GAB2: variants seen among roughly 807,000 people sequenced by gnomAD.
GAB2 encodes the protein GRB2-associated-binding protein 2.
In GAB2, 26 loss-of-function variants were observed where a neutral mutation model predicts 65.5. That is an observed-to-expected ratio of 0.40 (90% confidence interval 0.29 to 0.55). The LOEUF is 0.55. Ranked by LOEUF, GAB2 falls within the 20% of genes least tolerant of loss-of-function variation. The probability of loss-of-function intolerance (pLI) is 0.53; values close to 1 mark genes in which losing one functional copy is unlikely to be tolerated. For missense variants in GAB2, 884 were observed against 875.8 expected, an observed-to-expected ratio of 1.01 and a Z score of -0.12; for synonymous variants, 321 against 329.6, an observed-to-expected ratio of 0.97 and a Z score of 0.28.
chr11:78,222,923 G>A (rs965614723), intron 6 of GAB2, among the ~76,000 whole-genome samples: 2 of 152,196 alleles, frequency 1.3e-5, no homozygotes, highest in African/African-American at 4.8e-5. Flanking sequence ...GATGGTCACC[G>A]TGACTACTCC....
At chr11:78,225,028 G>A in intron 5 of GAB2, 80 bp downstream of exon 5, 1 of 846,580 alleles carries the variant, frequency 1.2e-6, no homozygotes. Context: ...ATCTTTTGGG[G>A]TTGTGCTTTT....
chr11:78,318,181 C>T (rs1401818133), intron 1 of GAB2: 1 of 151,466 alleles, frequency 6.6e-6, no homozygotes, highest in Non-Finnish European at 1.5e-5. Context: ...TTGAGGGAGA[C>T]TTCTTTTTGA....
chr11:78,382,978 G>A (rs998127051), intron 1 of GAB2, among the ~76,000 whole-genome samples: 1 of 152,168 alleles, frequency 6.6e-6, no homozygotes, highest in African/African-American at 2.4e-5. Flanking sequence ...TCTGACTTTA[G>A]AAACAGTCTT....
intron 1 of GAB2, among the ~76,000 whole-genome samples, chr11:78,303,207 T>A (rs561868873): frequency 5.8e-5 from 8 of 138,336 alleles, no homozygotes; most frequent in South Asian, 4.5e-4. Context: ...CAAAATTTTT[T>A]AAAAAATGGT....
intron 1 of GAB2, among the ~76,000 whole-genome samples, chr11:78,291,555 C>CTTTTTTTTT (rs796161663): frequency 0.022 from 1,198 of 55,042 alleles, 426 homozygotes; most frequent in Non-Finnish European, 0.023. Flanking sequence ...TTACTTTTTT[C>CTTTTTTTTT]TTTTTCTTTT....
Position 78,397,800 on chromosome 11 carries a change from G to A in GAB2, c.75+19846C>T, listed in dbSNP as rs566633920. ...TACTATGTACACTGTAGATACTTAT[G>A]TACACTGTAGATACTTACTATCTGT... On this transcript the variant is annotated intron_variant, in intron 1 of 9. Transcript: ENST00000361507. Among the ~76,000 whole-genome samples the A allele has an allele frequency of 2.2e-4, 33 of 151,756 alleles. No homozygotes were observed. The South Asian group carries it at 6.5e-3, about 30-fold the overall frequency.
chr11:78,263,477 CA>C (rs1272679269), intron 2 of GAB2, among the ~76,000 whole-genome samples: 2 of 151,802 alleles, frequency 1.3e-5, no homozygotes, highest in East Asian at 1.9e-4. Context: ...ACTAAAAATA[CA>C]AAAAATTAGC....
At chr11:78,231,858 T>C (rs1864860748) in intron 3 of GAB2, 1 of 152,268 alleles carries the variant, frequency 6.6e-6, no homozygotes, top group African/African-American at 2.4e-5. Context: ...TAATATAAAA[T>C]GCTTGTAAGT....
chr11:78,375,076 G>T (rs1208488361), intron 1 of GAB2, among the ~76,000 whole-genome samples: 1 of 152,136 alleles, frequency 6.6e-6, no homozygotes, highest in Non-Finnish European at 1.5e-5. Flanking sequence ...GCAGGGTCTT[G>T]CTCTGTCACC....
intron 1 of GAB2, among the ~76,000 whole-genome samples, chr11:78,300,330 T>C (rs1408106117): frequency 7.1e-6 from 1 of 141,764 alleles, no homozygotes; most frequent in African/African-American, 3.2e-5. Context: ...GGAGGTACCA[T>C]TATTTAGCCA....
At chr11:78,289,035 G>C (rs547875140) in intron 1 of GAB2, among the ~76,000 whole-genome samples, 2 of 152,324 alleles carry the variant, frequency 1.3e-5, no homozygotes, top group African/African-American at 2.4e-5. Context: ...CAATGGATTA[G>C]AACAGAAAAC....
Position 78,223,465 on chromosome 11 carries a change from C to T in GAB2, c.1514G>A (p.Gly505Glu), listed in dbSNP as rs754602778. The T allele has an allele frequency of 1.3e-6, 2 of 1,592,296 alleles. No individual in the cohort carries two copies. The highest frequency in any genetic ancestry group is 1.7e-5 in the Admixed American group (1 of 57,214). ...TLPVHRGPSR[G>E]SEIQPPPVNR... Reference sequence around the variant, plus strand: ...GACAGGGGGTGGCTGAATCTCACTTCCTCTGCTGGGGCCTCGGTGCACAGG... The same window carrying T: ...GACAGGGGGTGGCTGAATCTCACTTTCTCTGCTGGGGCCTCGGTGCACAGG... The change falls in exon 6 of 10, where the codon GGA becomes GAA. Residue 505 changes from glycine (G) to glutamate (E), a missense_variant. Transcript: ENST00000361507.
intron 1 of GAB2, among the ~76,000 whole-genome samples, chr11:78,376,575 C>T (rs2134733877): frequency 6.6e-6 from 1 of 152,256 alleles, no homozygotes; most frequent in East Asian, 1.9e-4. Context: ...ATATGTGAAA[C>T]TTGGAAATGT....
intron 1 of GAB2, among the ~76,000 whole-genome samples, chr11:78,329,940 A>G (rs373019596): frequency 2.0e-5 from 3 of 152,352 alleles, no homozygotes; most frequent in East Asian, 1.9e-4. Context: ...TTGCATTCAT[A>G]TAAGACTGGT....
chr11:78,355,288 T>C (rs999036939), intron 1 of GAB2, among the ~76,000 whole-genome samples: 1 of 152,208 alleles, frequency 6.6e-6, no homozygotes, highest in African/African-American at 2.4e-5. Flanking sequence ...AAAACGTCCC[T>C]GTGGGCAATT....
At chr11:78,353,758 T>C (rs779436803) in intron 1 of GAB2, among the ~76,000 whole-genome samples, 8 of 152,280 alleles carry the variant, frequency 5.3e-5, no homozygotes, top group Non-Finnish European at 8.8e-5. Flanking sequence ...CAGCTCTAGA[T>C]AACTTGGTTT....
chr11:78,368,705 G>GA lies in GAB2; in HGVS notation c.75+48940dup, dbSNP rs543620630. On this transcript the variant is annotated intron_variant, in intron 1 of 9. Transcript: ENST00000361507. ...GAACTACACAGCATGTTAACAAACT[G>GA]AAAAAAAAAAGACAAGACAGCAAAA... Among the ~76,000 whole-genome samples, 576 of 146,160 alleles carry GA rather than the reference G, an allele frequency of 3.9e-3. 2 individuals carry two copies. The highest frequency in any genetic ancestry group is 0.012 in the African/African-American group (467 of 40,048).
chr11:78,361,467 G>T lies in GAB2; in HGVS notation c.75+56179C>A, dbSNP rs1856434071. ...AAGCAAGGAAAAAAATGGTAACTTGGGTTAGAAGTCATAAATATTTCGCTA... is the reference window on the plus strand; with the variant it reads ...AAGCAAGGAAAAAAATGGTAACTTGTGTTAGAAGTCATAAATATTTCGCTA... On this transcript the variant is annotated intron_variant, in intron 1 of 9. Coordinates refer to ENST00000361507, the MANE Select transcript of GAB2 (RefSeq NM_080491.3). Among the ~76,000 whole-genome samples the T allele has an allele frequency of 2.0e-5, 3 of 149,960 alleles. No homozygotes were observed. In the South Asian group the frequency reaches 6.2e-4, roughly 31 times the overall value.
chr11:78,364,264 C>T (rs962020275), intron 1 of GAB2, among the ~76,000 whole-genome samples: 3 of 152,176 alleles, frequency 2.0e-5, no homozygotes, highest in African/African-American at 7.2e-5. Flanking sequence ...CTCCGCCTCC[C>T]AAAGTACTGA....
Sources: allele counts gnomAD v4.1 joint callset (sites outside exome capture counted in the v4.1 genomes callset), GRCh38; gene constraint gnomAD v4.1.1; transcripts MANE v1.5; gene names NCBI Gene and HGNC (gene_info 2026-07-23, HGNC 2026-07-21).